Variants in HIPK1 observed in about 807,000 individuals in gnomAD.
HIPK1 encodes homeodomain-interacting protein kinase 1.
Under a neutral mutation model 117.1 loss-of-function variants are expected in HIPK1, and 28 were observed. The ratio of observed to expected loss-of-function variants is 0.24; its 90% confidence interval spans 0.18 to 0.33. HIPK1 has a LOEUF of 0.33. Ranked by LOEUF, HIPK1 falls within the 10% of genes least tolerant of loss-of-function variation. HIPK1 has a pLI of 1.00. For missense variants in HIPK1, 1,122 were observed against 1,475.1 expected (o/e 0.76, Z 3.92); for synonymous variants, 605 against 562.5 (o/e 1.08, Z -1.07).
rs1673189348 is a variant in HIPK1 at position 113,977,330 on chromosome 1, AAAT to A, written c.*3822_*3824del. ...ATGTGTGGTTTCAATTCAGCTTGAA[AAAT>A]AATCTCACTACATGTAGCAGTACAT... On this transcript the variant is annotated 3_prime_UTR_variant, in exon 16 of 16. Coordinates refer to ENST00000426820, the MANE Select transcript of HIPK1 (RefSeq NM_198268.3). 1 of 152,772 alleles carries A rather than the reference AAAT, an allele frequency of 6.5e-6. No individual in the cohort carries two copies. Among genetic ancestry groups the A allele is most frequent in the Admixed American group, 6.5e-5 (1 of 15,290 alleles). 9.5% of individuals were successfully genotyped at this position (152,772 alleles called of 1,614,324 possible).
intron 2 of HIPK1, among the ~76,000 whole-genome samples, chr1:113,944,012 T>C (rs916690111): frequency 6.6e-6 from 1 of 152,040 alleles, no homozygotes; most frequent in African/African-American, 2.4e-5. Context: ...GTGGCGACAG[T>C]GTTTTGAGGG....
chr1:113,944,256 C>G (rs1322379752), intron 2 of HIPK1, among the ~76,000 whole-genome samples: 1 of 140,348 alleles, frequency 7.1e-6, no homozygotes, highest in African/African-American at 2.7e-5. Flanking sequence ...ACTGCAGCCT[C>G]TGCCTCCCAG....
chr1:113,942,511 T>C (rs1670717726), intron 2 of HIPK1, among the ~76,000 whole-genome samples: 1 of 152,242 alleles, frequency 6.6e-6, no homozygotes, highest in African/African-American at 2.4e-5. Flanking sequence ...TTTTATTCTT[T>C]TACATTTTCT....
intron 14 of HIPK1, among the ~76,000 whole-genome samples, chr1:113,971,475 A>G (rs1467240384): frequency 6.6e-6 from 1 of 152,244 alleles, no homozygotes; most frequent in Non-Finnish European, 1.5e-5. Context: ...GCTTCACATT[A>G]TCATTTCTGT....
intron 1 of HIPK1, among the ~76,000 whole-genome samples, chr1:113,939,855 CAGAA>C (rs1234911160): frequency 6.6e-6 from 1 of 151,814 alleles, no homozygotes; most frequent in African/African-American, 2.4e-5. Context: ...TATTCAGGGA[CAGAA>C]AGCTGGACTG....
chr1:113,948,688 C>T (rs542456953), intron 2 of HIPK1, among the ~76,000 whole-genome samples: 1 of 151,638 alleles, frequency 6.6e-6, no homozygotes, highest in East Asian at 1.9e-4. Flanking sequence ...TTTGTCACTC[C>T]AAAAGCAGGG....
intron 1 of HIPK1, among the ~76,000 whole-genome samples, chr1:113,933,961 G>T (rs1202195920): frequency 6.6e-6 from 1 of 152,144 alleles, no homozygotes; most frequent in Non-Finnish European, 1.5e-5. Context: ...GGAGAGTAGA[G>T]AGAGATTTAG....
intron 11 of HIPK1, among the ~76,000 whole-genome samples, chr1:113,966,867 T>TTTTGTA (rs1350414747): frequency 3.6e-4 from 53 of 149,196 alleles, no homozygotes; most frequent in Non-Finnish European, 4.5e-4. Flanking sequence ...CCATTAACCA[T>TTTTGTA]CCCTACCTCC....
chr1:113,942,618 G>C (rs1670722922), intron 2 of HIPK1, among the ~76,000 whole-genome samples: 1 of 152,002 alleles, frequency 6.6e-6, no homozygotes, highest in Non-Finnish European at 1.5e-5. Context: ...TCCTAGAATG[G>C]CCTTGACCCA....
chr1:113,960,914 G>C (rs967174681), intron 8 of HIPK1, among the ~76,000 whole-genome samples: 4 of 152,132 alleles, frequency 2.6e-5, no homozygotes, highest in Non-Finnish European at 5.9e-5. Context: ...AGCAGTGTTA[G>C]GTCTATGAGT....
chr1:113,947,941 A>T (rs1209217895), intron 2 of HIPK1, among the ~76,000 whole-genome samples: 1 of 152,208 alleles, frequency 6.6e-6, no homozygotes. Flanking sequence ...CTGGAAAGGG[A>T]CCTAGAAGAG....
intron 12 of HIPK1, among the ~76,000 whole-genome samples, 175 bp downstream of exon 12, chr1:113,968,123 A>G (rs1672577036): frequency 6.6e-6 from 1 of 152,216 alleles, no homozygotes; most frequent in Non-Finnish European, 1.5e-5. Flanking sequence ...TCCTGGTTTT[A>G]TGATGGTCCT....
At chr1:113,972,149 A>T (rs1672881761) in intron 15 of HIPK1, 195 bp downstream of exon 15, 6 of 1,469,148 alleles carry the variant, frequency 4.1e-6, no homozygotes, top group African/African-American at 1.4e-5. Flanking sequence ...TTCAGGATGT[A>T]CATTCTAGGT....
chr1:113,957,290 T>G lies in HIPK1; in HGVS notation c.1755+4T>G. On this transcript the variant is annotated splice_donor_region_variant and intron_variant, in intron 7 of 15. Transcript: ENST00000426820. The stretch of plus-strand genomic sequence containing the variant: ...GCTCAATACAGTGCACAATCAGGTA[T>G]TCAATAAATAATTTTGGAAACTCAA... 1 of 1,604,582 alleles carries G rather than the reference T, an allele frequency of 6.2e-7. No homozygotes were observed. The highest frequency in any genetic ancestry group is 8.5e-7 in the Non-Finnish European group (1 of 1,173,752).
rs1308871350 is a variant in HIPK1 at position 113,956,757 on chromosome 1, T to G, written c.1538T>G (p.Leu513Arg). 6.2e-7 allele frequency: 1 copy of G among 1,614,136 alleles called. No homozygotes were observed. Among genetic ancestry groups the G allele is most frequent in the Non-Finnish European group, 8.5e-7 (1 of 1,179,978 alleles). The change falls in exon 6 of 16, where the codon CTT (leucine) becomes CGT (arginine). Residue 513 changes from leucine to arginine, a missense_variant. Around this residue, in one of 6 missense-constraint regions of HIPK1, gnomAD observed 731 missense variants for 860.4 expected, o/e 0.85. Transcript: ENST00000426820. ...AAGAGAATTACCCCTCTAAAAACTCTTAACCATCAGTTTGTGACAATGACT... is the reference window on the plus strand; with the variant it reads ...AAGAGAATTACCCCTCTAAAAACTCGTAACCATCAGTTTGTGACAATGACT... ...ADKRITPLKTLNHQFVTMTHL... is the reference protein window; with the variant it reads ...ADKRITPLKTRNHQFVTMTHL...
At chr1:113,936,478 T>G (rs1474424878) in intron 1 of HIPK1, among the ~76,000 whole-genome samples, 2 of 152,164 alleles carry the variant, frequency 1.3e-5, no homozygotes, top group Admixed American at 6.5e-5. Flanking sequence ...ATCCTTTTTT[T>G]TTTTGAGATG....
chr1:113,932,181 C>T (rs1052339723), intron 1 of HIPK1: 6 of 151,914 alleles, frequency 3.9e-5, no homozygotes, highest in African/African-American at 1.5e-4. Context: ...CTTTCTTTTT[C>T]ATGTGTTATA....
At position 113,973,087 on chromosome 1, in the gene HIPK1, C is replaced by G. The variant is rs768376207; in HGVS notation, c.3208C>G (p.Gln1070Glu). Residue 1070 changes from glutamine to glutamate, a missense_variant, in exon 16 of 16, where the codon CAG (glutamine) becomes GAG (glutamate). This residue lies in a region of HIPK1 where 731 missense variants were observed against 860.4 expected (regional missense o/e 0.85). Coordinates refer to ENST00000426820, the MANE Select transcript of HIPK1 (RefSeq NM_198268.3). ...AAGCAGCAACCCAGCCCCCCGCAGG[C>G]AGCAGGCGTTTGTGGCCCCTCTCTC... ...ERSSNPAPRR[Q>E]QAFVAPLSQA... 1 of 1,542,360 alleles carries G rather than the reference C, an allele frequency of 6.5e-7. No homozygotes were observed. Among genetic ancestry groups the G allele is most frequent in the Non-Finnish European group, 8.7e-7 (1 of 1,143,712 alleles).
Position 113,968,034 on chromosome 1 carries a change from A to C in HIPK1, c.2564+86A>C, listed in dbSNP as rs1672571785. 3 of 1,220,764 alleles carry C rather than the reference A, an allele frequency of 2.5e-6. No homozygotes were observed. The African/African-American group carries it at 4.6e-5, about 19-fold the overall frequency. 75.6% of individuals were successfully genotyped at this position (1,220,764 alleles called of 1,614,324 possible). On this transcript the variant is annotated intron_variant, in intron 12 of 15. Coordinates refer to ENST00000426820, the MANE Select transcript of HIPK1 (RefSeq NM_198268.3). Reference sequence around the variant, plus strand: ...CATTTGGAATATTGTATAGACATATAATATAGATATGAAGCAGCAAGTAGC... The same window carrying C: ...CATTTGGAATATTGTATAGACATATCATATAGATATGAAGCAGCAAGTAGC...
Sources: allele counts gnomAD v4.1 joint callset (sites outside exome capture counted in the v4.1 genomes callset), GRCh38; gene constraint gnomAD v4.1.1; regional missense constraint gnomAD v4.1.1; transcripts MANE v1.5; gene names NCBI Gene and HGNC (gene_info 2026-07-23, HGNC 2026-07-21).